PCDH15: variants seen among roughly 807,000 people sequenced by gnomAD.
The protein encoded by PCDH15 is protocadherin-15.
Under a neutral mutation model 178.5 loss-of-function variants are expected in PCDH15, and 129 were observed. That is an observed-to-expected ratio of 0.72 (90% CI 0.63 to 0.84). The LOEUF (loss-of-function observed/expected upper bound fraction) is 0.84, where lower values mean the gene tolerates loss of function less well. Among genes scored for constraint, PCDH15 ranks in the 40% least tolerant of loss-of-function variants. PCDH15 has a pLI of 0.00. For missense variants in PCDH15, 2,230 were observed against 2,099.9 expected (o/e 1.06, Z -1.21); for synonymous variants, 800 against 732.0 (o/e 1.09, Z -1.50).
intron 2 of PCDH15, among the ~76,000 whole-genome samples, chr10:55,605,168 C>T (rs998588967): frequency 6.6e-6 from 1 of 151,508 alleles, no homozygotes; most frequent in African/African-American, 2.4e-5. Context: ...AATTCCTCGA[C>T]ACATACACTC....
At chr10:54,743,933 T>A (rs1945143036) in intron 1 of PCDH15, among the ~76,000 whole-genome samples, 1 of 152,094 alleles carries the variant, frequency 6.6e-6, no homozygotes, top group Admixed American at 6.6e-5. Flanking sequence ...GTGATCCTCT[T>A]CTCTTAATAT....
At chr10:53,842,844 C>T (rs1173375840) in intron 28 of PCDH15, among the ~76,000 whole-genome samples, 1 of 152,138 alleles carries the variant, frequency 6.6e-6, no homozygotes, top group African/African-American at 2.4e-5. Context: ...CAATAGATGG[C>T]TCTCTGTCCC....
At chr10:54,249,903 T>C (rs2132070460) in intron 8 of PCDH15, among the ~76,000 whole-genome samples, 1 of 152,270 alleles carries the variant, frequency 6.6e-6, no homozygotes, top group Non-Finnish European at 1.5e-5. Context: ...TTTCCCATTG[T>C]ATCTTAAATG....
chr10:54,207,788 C>G (rs958619544), intron 10 of PCDH15, among the ~76,000 whole-genome samples: 7 of 152,060 alleles, frequency 4.6e-5, no homozygotes, highest in Admixed American at 6.6e-5. Context: ...TATTATACCT[C>G]TGAGCTCATT....
At chr10:55,432,321 G>A (rs547478903) in intron 2 of PCDH15, among the ~76,000 whole-genome samples, 1 of 152,116 alleles carries the variant, frequency 6.6e-6, no homozygotes, top group African/African-American at 2.4e-5. Context: ...GATAAATTGG[G>A]GTAGACAATA....
intron 2 of PCDH15, among the ~76,000 whole-genome samples, chr10:55,504,418 T>C (rs184728361): frequency 5.9e-5 from 9 of 151,358 alleles, no homozygotes; most frequent in South Asian, 2.1e-4. Flanking sequence ...GTAAATGAGG[T>C]CTCAAAGACA....
chr10:54,210,208 CTT>C (rs368029850), intron 10 of PCDH15, among the ~76,000 whole-genome samples: 1 of 149,956 alleles, frequency 6.7e-6, no homozygotes, highest in African/African-American at 2.4e-5. Flanking sequence ...ACATTTGCAT[CTT>C]TTTTTTTTCT....
intron 2 of PCDH15, chr10:54,600,169 G>T: frequency 1.5e-6 from 1 of 678,256 alleles, no homozygotes; most frequent in Non-Finnish European, 2.7e-6. Context: ...GGAAGCCATG[G>T]AGGAGGCAGT....
chr10:54,410,775 A>T (rs899331915), intron 3 of PCDH15, among the ~76,000 whole-genome samples: 3 of 152,118 alleles, frequency 2.0e-5, no homozygotes, highest in Non-Finnish European at 4.4e-5. Flanking sequence ...GTTAGGCTAA[A>T]ATGTAAATTT....
In PCDH15 at chr10:54,381,290, A is replaced by G. The variant is rs1401139568; in HGVS notation, c.158-2348T>C. Among the ~76,000 whole-genome samples the G allele has an allele frequency of 2.6e-5, 4 of 152,234 alleles. No homozygotes were observed. In the East Asian group the frequency reaches 5.8e-4, roughly 22 times the overall value. On this transcript the variant is annotated intron_variant, in intron 3 of 37. Transcript: ENST00000644397. ...CCCAAGCTATAGTTAGCATTAAGCC[A>G]GAAACTCCTGTCTCTCCCTATCCCA...
intron 14 of PCDH15, among the ~76,000 whole-genome samples, chr10:54,146,935 A>ATATATATAGTGTATATATATAG: frequency 1.6e-5 from 1 of 63,314 alleles, no homozygotes; most frequent in Middle Eastern, 6.9e-3. Flanking sequence ...TATATATATA[A>ATATATATAGTGTATATATATAG]TGTATATATA....
chr10:54,586,571 C>T (rs984915), intron 2 of PCDH15, among the ~76,000 whole-genome samples: 119,956 of 152,124 alleles, frequency 0.79, 47,557 homozygotes, highest in East Asian at 0.84. Context: ...ATATTGCTTC[C>T]TGATATCACA....
intron 2 of PCDH15, among the ~76,000 whole-genome samples, chr10:54,899,281 T>G (rs1954602336): frequency 6.6e-6 from 1 of 152,122 alleles, no homozygotes. Flanking sequence ...TCTTTAATTT[T>G]TATCTTAATA....
At chr10:54,707,859 A>G (rs1288651457) in intron 1 of PCDH15, among the ~76,000 whole-genome samples, 2 of 152,206 alleles carry the variant, frequency 1.3e-5, no homozygotes, top group East Asian at 3.8e-4. Context: ...TAAAGAGATC[A>G]TTTTAAGAAG....
intron 2 of PCDH15, among the ~76,000 whole-genome samples, chr10:55,070,778 A>G (rs1841718264): frequency 6.6e-6 from 1 of 151,994 alleles, no homozygotes; most frequent in African/African-American, 2.4e-5. Flanking sequence ...TTGGTTCCAT[A>G]TGAACTTTAA....
At chr10:54,610,744 A>T (rs149143380) in intron 2 of PCDH15, among the ~76,000 whole-genome samples, 1 of 151,988 alleles carries the variant, frequency 6.6e-6, no homozygotes, top group African/African-American at 2.4e-5. Context: ...GAAGAATAAG[A>T]GTAGATCAGG....
chr10:54,952,028 A>T (rs1838357341), intron 2 of PCDH15, among the ~76,000 whole-genome samples: 1 of 151,780 alleles, frequency 6.6e-6, no homozygotes, highest in Non-Finnish European at 1.5e-5. Context: ...TGCACAGTTC[A>T]GAAGTTTTTA....
chr10:54,864,274 T>G (rs1953897051), intron 3 of PCDH15, among the ~76,000 whole-genome samples: 1 of 152,074 alleles, frequency 6.6e-6, no homozygotes, highest in Admixed American at 6.6e-5. Context: ...GAGCGTGAAG[T>G]GGAAAGCAGG....
chr10:54,927,625 G>A lies in PCDH15; in HGVS notation c.-79-30125C>T, dbSNP rs146491316. Among the ~76,000 whole-genome samples, 1,003 of 152,112 alleles carry A rather than the reference G, an allele frequency of 6.6e-3. 8 individuals are homozygous for A. The highest frequency in any genetic ancestry group is 0.022 in the African/African-American group (922 of 41,528). ...TTATGAATCTTAGTGCTCCTGTATT[G>A]GGTACATATATATTTAGGATAGTTA... On this transcript the variant is annotated intron_variant, in intron 2 of 5. Transcript: ENST00000458638.
Sources: allele counts gnomAD v4.1 joint callset (sites outside exome capture counted in the v4.1 genomes callset), GRCh38; gene constraint gnomAD v4.1.1; transcripts MANE v1.5; gene names NCBI Gene and HGNC (gene_info 2026-07-23, HGNC 2026-07-21).